Variants in PPM1L observed in about 807,000 individuals in gnomAD.
The protein encoded by PPM1L is protein phosphatase 1L.
PPM1L carries 13 observed loss-of-function variants against 31.4 expected under a neutral mutation model. The ratio of observed to expected loss-of-function variants is 0.41; its 90% confidence interval spans 0.27 to 0.66. The LOEUF is 0.66. Among genes scored for constraint, PPM1L ranks in the 30% least tolerant of loss-of-function variants. The pLI is 0.29. For synonymous variants in PPM1L, 184 were observed against 175.4 expected, an observed-to-expected ratio of 1.05 and a Z score of -0.39; for missense variants, 326 against 453.7, an observed-to-expected ratio of 0.72 and a Z score of 2.56.
At chr3:160,846,390 T>A (rs1714075825) in intron 1 of PPM1L, among the ~76,000 whole-genome samples, 1 of 152,160 alleles carries the variant, frequency 6.6e-6, no homozygotes, top group South Asian at 2.1e-4. Context: ...TGGGCCTTTC[T>A]GTCTTGGGAA....
chr3:161,045,971 C>T (rs2108093269), intron 2 of PPM1L, among the ~76,000 whole-genome samples: 1 of 151,682 alleles, frequency 6.6e-6, no homozygotes, highest in South Asian at 2.1e-4. Context: ...ATTAGCCAGG[C>T]GTGGTGGCAG....
chr3:160,997,658 G>C (rs564436573), intron 2 of PPM1L, among the ~76,000 whole-genome samples: 1 of 152,116 alleles, frequency 6.6e-6, no homozygotes, highest in East Asian at 1.9e-4. Context: ...GGTAGGATAG[G>C]CCTAAATAAG....
rs1016556137 is a variant in PPM1L, at chr3:161,070,113, G to A, written c.*956G>A. The A allele has an allele frequency of 2.0e-5, 3 of 152,206 alleles. No homozygotes were observed. Among genetic ancestry groups the A allele is most frequent in the African/African-American group, 7.2e-5 (3 of 41,434 alleles). The allele number at this position is 152,206 out of a possible 1,614,324, so 9.4% of individuals were successfully genotyped here. A position where few individuals can be genotyped will look rare whatever the true frequency, so the allele number is the denominator to read the frequency against. On this transcript the variant is annotated 3_prime_UTR_variant, in exon 4 of 4. Transcript: ENST00000498165. ...GTTTGCATTGAGAAAGGAGTGAGCT[G>A]GTGAGGTTACCACCCTGAATTGAGC...
intron 2 of PPM1L, among the ~76,000 whole-genome samples, chr3:160,997,390 A>AGCCTGCCCACCAC (rs1717356609): frequency 2.0e-5 from 3 of 152,202 alleles, no homozygotes; most frequent in Non-Finnish European, 4.4e-5. Context: ...ATCCCCAAAT[A>AGCCTGCCCACCAC]TGATATCTAT....
chr3:160,811,009 T>G (rs1281247573), intron 1 of PPM1L, among the ~76,000 whole-genome samples: 1 of 152,244 alleles, frequency 6.6e-6, no homozygotes, highest in Non-Finnish European at 1.5e-5. Context: ...TAAATCTCCC[T>G]CAGTTTCTAT....
intron 1 of PPM1L, among the ~76,000 whole-genome samples, chr3:160,903,123 T>C (rs1261747246): frequency 6.7e-6 from 1 of 150,246 alleles, no homozygotes; most frequent in East Asian, 2.0e-4. Context: ...TGTGGAATAG[T>C]AGCTGTGTCA....
chr3:160,826,544 T>C (rs9681108), intron 1 of PPM1L, among the ~76,000 whole-genome samples: 2 of 152,202 alleles, frequency 1.3e-5, no homozygotes, highest in African/African-American at 2.4e-5. Context: ...CCATTCCTGA[T>C]AGAATCTTTA....
intron 1 of PPM1L, among the ~76,000 whole-genome samples, chr3:160,902,021 A>G (rs1713562048): frequency 6.6e-6 from 1 of 152,118 alleles, no homozygotes; most frequent in African/African-American, 2.4e-5. Flanking sequence ...TTATTTCCAT[A>G]GGATTTTTGA....
rs1457673364 is a variant in PPM1L, at chr3:160,757,745, C to G, written c.399+1038C>G. The stretch of plus-strand genomic sequence containing the variant: ...CTTTGTTTTCCCTTTTGGCAGCATA[C>G]TTTTCTTATTCTTAACCCCTTCCTG... On this transcript the variant is annotated intron_variant, in intron 1 of 3. Transcript: ENST00000498165. Among the ~76,000 whole-genome samples, 4 of 152,204 alleles carry G rather than the reference C, an allele frequency of 2.6e-5. No individual in the cohort carries two copies. In the East Asian group the frequency reaches 5.8e-4, roughly 22 times the overall value.
chr3:160,834,713 A>G (rs1207790887), intron 1 of PPM1L, among the ~76,000 whole-genome samples: 6 of 152,144 alleles, frequency 3.9e-5, no homozygotes, highest in African/African-American at 1.4e-4. Context: ...TGCCTCCACT[A>G]AACAGAATGT....
intron 1 of PPM1L, among the ~76,000 whole-genome samples, chr3:160,912,269 TA>T (rs2108063630): frequency 6.6e-6 from 1 of 152,338 alleles, no homozygotes; most frequent in East Asian, 1.9e-4. Context: ...AGGGGGAATC[TA>T]TTTGCCATCT....
chr3:160,871,986 G>A (rs1354055130), intron 1 of PPM1L, among the ~76,000 whole-genome samples: 1 of 151,928 alleles, frequency 6.6e-6, no homozygotes, highest in East Asian at 1.9e-4. Context: ...GAACACTAAA[G>A]CTGTGTTATG....
intron 2 of PPM1L, among the ~76,000 whole-genome samples, chr3:161,026,393 A>G (rs1718389140): frequency 6.6e-6 from 1 of 152,214 alleles, no homozygotes; most frequent in African/African-American, 2.4e-5. Context: ...CAAGCTTTAT[A>G]AAGGATGAAT....
intron 1 of PPM1L, among the ~76,000 whole-genome samples, chr3:160,841,136 A>G (rs1713866628): frequency 6.6e-6 from 1 of 151,872 alleles, no homozygotes. Flanking sequence ...GGATGTACAT[A>G]TTGTGAGTCA....
intron 1 of PPM1L, among the ~76,000 whole-genome samples, chr3:160,941,905 GAATA>G (rs1715174624): frequency 6.6e-6 from 1 of 152,320 alleles, no homozygotes; most frequent in Middle Eastern, 3.4e-3. Context: ...TTAAAAGAAT[GAATA>G]CTTGAATGAA....
chr3:160,975,997 A>T (rs2108029094), intron 2 of PPM1L, among the ~76,000 whole-genome samples: 1 of 144,412 alleles, frequency 6.9e-6, no homozygotes, highest in African/African-American at 2.6e-5. Flanking sequence ...TCAGTATGAT[A>T]TTGGCTGTGG....
At chr3:160,858,951 C>A (rs909405831) in intron 1 of PPM1L, among the ~76,000 whole-genome samples, 3 of 152,140 alleles carry the variant, frequency 2.0e-5, no homozygotes, top group Admixed American at 6.5e-5. Flanking sequence ...CAGGAGTGAG[C>A]ATGTGACCCA....
intron 2 of PPM1L, among the ~76,000 whole-genome samples, chr3:160,983,439 G>A (rs1355679403): frequency 1.3e-5 from 2 of 151,672 alleles, no homozygotes; most frequent in South Asian, 2.1e-4. Context: ...TTTGGGGGGT[G>A]GTGGGATAGG....
At chr3:160,865,305 T>G (rs1009720061) in intron 1 of PPM1L, among the ~76,000 whole-genome samples, 3 of 152,202 alleles carry the variant, frequency 2.0e-5, no homozygotes, top group Admixed American at 1.3e-4. Flanking sequence ...CCTAGAAACA[T>G]TTTAAAGCTT....
Sources: gnomAD v4.1 joint callset for allele counts (sites outside exome capture counted in the v4.1 genomes callset) on GRCh38, gnomAD v4.1.1 for gene constraint, MANE v1.5 for transcripts, NCBI Gene and HGNC (gene_info 2026-07-23, HGNC 2026-07-21) for gene names.